The following EYS variants were observed in gnomAD, a reference collection of about 807,000 sequenced individuals.
EYS encodes EGF-like photoreceptor maintenance factor.
A neutral mutation model predicts 282.1 loss-of-function variants in EYS; 250 were observed. That is an observed-to-expected ratio of 0.89 (90% CI 0.80 to 0.98). EYS has a LOEUF of 0.98. Among genes scored for constraint, EYS ranks in the 50% least tolerant of loss-of-function variants. The probability of loss-of-function intolerance (pLI) is 0.00; values close to 1 mark genes in which losing one functional copy is unlikely to be tolerated. For missense variants in EYS, 4,016 were observed against 3,709.0 expected (o/e 1.08, Z -2.15); for synonymous variants, 1,355 against 1,282.9 (o/e 1.06, Z -1.20).
chr6:64,052,792 G>A (rs190267427), intron 33 of EYS, among the ~76,000 whole-genome samples: 4 of 152,192 alleles, frequency 2.6e-5, no homozygotes, highest in Admixed American at 6.6e-5. Context: ...TTTTATAAGC[G>A]TCTGGCATTT....
intron 29 of EYS, among the ~76,000 whole-genome samples, chr6:64,384,698 T>A (rs1437872026): frequency 6.6e-6 from 1 of 152,100 alleles, no homozygotes; most frequent in Non-Finnish European, 1.5e-5. Context: ...AAGGAAAGTG[T>A]TTTTCTACCA....
chr6:64,046,339 G>A (rs1322287013), intron 33 of EYS, among the ~76,000 whole-genome samples: 6 of 151,780 alleles, frequency 4.0e-5, no homozygotes, highest in South Asian at 2.1e-4. Flanking sequence ...TCTCCTGTCC[G>A]TATCTATCTA....
chr6:64,544,626 A>G (rs575890728), intron 26 of EYS, among the ~76,000 whole-genome samples: 35 of 152,322 alleles, frequency 2.3e-4, no homozygotes, highest in African/African-American at 8.2e-4. Context: ...ACCACTAGGA[A>G]GACTAATAAA....
At chr6:65,335,680 C>G (rs1769962655) in intron 10 of EYS, among the ~76,000 whole-genome samples, 1 of 151,678 alleles carries the variant, frequency 6.6e-6, no homozygotes, top group African/African-American at 2.4e-5. Flanking sequence ...GCCTGTCCCC[C>G]ATAAATATGT....
intron 1 of EYS, among the ~76,000 whole-genome samples, chr6:65,682,468 AT>A (rs1768866657): frequency 6.6e-6 from 1 of 151,962 alleles, no homozygotes; most frequent in Non-Finnish European, 1.5e-5. Context: ...TACTTACATA[AT>A]AAATGTTTGT....
At chr6:64,092,311 C>A (rs1281393632) in intron 31 of EYS, among the ~76,000 whole-genome samples, 1 of 152,004 alleles carries the variant, frequency 6.6e-6, no homozygotes. Context: ...GTTGTAGATC[C>A]CTGAGGAATC....
intron 33 of EYS, among the ~76,000 whole-genome samples, chr6:64,026,693 A>G (rs1186204571): frequency 1.3e-5 from 2 of 152,072 alleles, no homozygotes; most frequent in Non-Finnish European, 2.9e-5. Context: ...CCCATATCCT[A>G]TCCTCCTATA....
At chr6:63,895,182 A>C (rs1773506025) in intron 35 of EYS, among the ~76,000 whole-genome samples, 1 of 151,876 alleles carries the variant, frequency 6.6e-6, no homozygotes, top group Non-Finnish European at 1.5e-5. Flanking sequence ...TTGTACATAA[A>C]TATTTGATGA....
At chr6:65,053,233 G>T (rs1321029659) in intron 13 of EYS, among the ~76,000 whole-genome samples, 1 of 151,706 alleles carries the variant, frequency 6.6e-6, no homozygotes, top group Non-Finnish European at 1.5e-5. Context: ...ATGGCAAAAT[G>T]TTTGAACTAG....
chr6:64,091,293 CTAT>C (rs1279980241), intron 31 of EYS, among the ~76,000 whole-genome samples: 1 of 152,094 alleles, frequency 6.6e-6, no homozygotes, highest in Non-Finnish European at 1.5e-5. Context: ...TATATATAGA[CTAT>C]AATACTTTTA....
intron 19 of EYS, among the ~76,000 whole-genome samples, chr6:64,831,507 T>C (rs1370582576): frequency 6.6e-6 from 1 of 151,984 alleles, no homozygotes; most frequent in Admixed American, 6.6e-5. Context: ...CAGATGCTTT[T>C]AAAATTCATT....
In EYS at chr6:63,721,240, G is replaced by C. The variant is rs774179534; in HGVS notation, c.8791C>G (p.Gln2931Glu). Residue 2931 changes from glutamine (Q) to glutamate (E), a missense_variant, in exon 43 of 43, where the codon CAA (glutamine) becomes GAA (glutamate). Physicochemically the swap from Gln to Glu is conservative, Grantham distance 29. Transcript: ENST00000503581. ...CACAGGCAACTGTAAGAAAATGATT[G>C]GTCAGGTATACATAAAGATTGGTGG... is the stretch of plus-strand genomic sequence containing the variant. ...CLHQSLCIPDQSFSYSCLCTL... is the reference protein window; with the variant it reads ...CLHQSLCIPDESFSYSCLCTL... The C allele has an allele frequency of 1.8e-5, 28 of 1,551,610 alleles. No individual in the cohort carries two copies. The highest frequency in any genetic ancestry group is 2.0e-5 in the Non-Finnish European group (23 of 1,146,926).
At chr6:65,055,371 A>G (rs1219667784) in intron 13 of EYS, among the ~76,000 whole-genome samples, 2 of 152,086 alleles carry the variant, frequency 1.3e-5, no homozygotes, top group South Asian at 2.1e-4. Context: ...GATTTACAGA[A>G]CAGTTGCAAG....
intron 31 of EYS, among the ~76,000 whole-genome samples, chr6:64,152,033 T>G (rs556324841): frequency 1.3e-5 from 2 of 152,302 alleles, no homozygotes; most frequent in Admixed American, 6.5e-5. Context: ...ATATTTGTTG[T>G]GCAGTTCACA....
chr6:64,529,533 A>G (rs1169649848), intron 26 of EYS, among the ~76,000 whole-genome samples: 1 of 152,040 alleles, frequency 6.6e-6, no homozygotes, highest in Non-Finnish European at 1.5e-5. Context: ...TTCATTAAGT[A>G]AATGACTGAA....
At chr6:64,033,827 A>T (rs1053949791) in intron 33 of EYS, among the ~76,000 whole-genome samples, 3 of 148,556 alleles carry the variant, frequency 2.0e-5, no homozygotes, top group African/African-American at 7.6e-5. Context: ...AAATGAGATT[A>T]CTCTCTCTCT....
At chr6:63,785,132 G>A (rs971362688) in intron 39 of EYS, among the ~76,000 whole-genome samples, 1 of 152,158 alleles carries the variant, frequency 6.6e-6, no homozygotes, top group African/African-American at 2.4e-5. Context: ...GTATTAGAGG[G>A]ACTGGTAGCA....
intron 41 of EYS, among the ~76,000 whole-genome samples, chr6:63,745,923 C>G (rs75635081): frequency 7.9e-5 from 12 of 152,304 alleles, no homozygotes; most frequent in Non-Finnish European, 1.2e-4. Flanking sequence ...TGCTCTCTCT[C>G]TGTGTGTACC....
intron 30 of EYS, among the ~76,000 whole-genome samples, chr6:64,264,478 G>T (rs1387545451): frequency 1.2e-4 from 19 of 152,132 alleles, no homozygotes; most frequent in Admixed American, 1.2e-3. Context: ...GGGGATTCAG[G>T]AGAGCAGTAG....
Sources: gnomAD v4.1 joint callset for allele counts (sites outside exome capture counted in the v4.1 genomes callset) on GRCh38, gnomAD v4.1.1 for gene constraint, MANE v1.5 for transcripts, NCBI Gene and HGNC (gene_info 2026-07-23, HGNC 2026-07-21) for gene names.